CCSER1: variants seen among roughly 807,000 people sequenced by gnomAD.
CCSER1 encodes coiled-coil serine rich protein 1.
CCSER1 carries 41 observed loss-of-function variants against 82.0 expected under a neutral mutation model. The ratio of observed to expected loss-of-function variants is 0.50; its 90% CI spans 0.39 to 0.65. The LOEUF is 0.65. Ranked by LOEUF, CCSER1 falls within the 30% of genes least tolerant of loss-of-function variation. The pLI is 0.00. For missense variants in CCSER1, 1,119 were observed against 1,064.2 expected (o/e 1.05, Z -0.72); for synonymous variants, 414 against 383.9 (o/e 1.08, Z -0.92).
intron 9 of CCSER1, among the ~76,000 whole-genome samples, chr4:91,045,201 C>T (rs1237071441): frequency 6.6e-6 from 1 of 152,076 alleles, no homozygotes; most frequent in African/African-American, 2.4e-5. Context: ...AGTCACTGAG[C>T]CAGATCCTTT....
chr4:91,437,934 G>A lies in CCSER1; in HGVS notation c.2218-160638G>A, dbSNP rs896208365. 5.9e-5 allele frequency among the ~76,000 whole-genome samples: 9 copies of A among 152,246 alleles called. No homozygotes were observed. The Middle Eastern group carries it at 0.014, about 233-fold the overall frequency. On this transcript the variant is annotated intron_variant, in intron 10 of 10. Transcript: ENST00000509176. ...GCAGCAGCGAGGCAGGGGGAGGGGC[G>A]CCCGCCATTGCCCAGGCTTGCTTAG... is the stretch of plus-strand genomic sequence containing the variant.
At chr4:91,093,619 G>A (rs1013763322) in intron 10 of CCSER1, among the ~76,000 whole-genome samples, 2 of 152,192 alleles carry the variant, frequency 1.3e-5, no homozygotes, top group Non-Finnish European at 2.9e-5. Flanking sequence ...TTGAAGCTCC[G>A]TCTAGCTGTT....
intron 5 of CCSER1, among the ~76,000 whole-genome samples, chr4:90,625,495 A>G (rs1723094913): frequency 6.6e-6 from 1 of 152,172 alleles, no homozygotes; most frequent in Non-Finnish European, 1.5e-5. Context: ...CAACCTAATT[A>G]AGAATGGTTT....
intron 3 of CCSER1, among the ~76,000 whole-genome samples, chr4:90,314,344 C>T (rs1051769849): frequency 1.3e-5 from 2 of 151,988 alleles, no homozygotes; most frequent in Non-Finnish European, 2.9e-5. Context: ...TATGTTAAAG[C>T]GGATTTCCAA....
At chr4:91,528,839 A>G (rs1415014868) in intron 10 of CCSER1, among the ~76,000 whole-genome samples, 2 of 152,180 alleles carry the variant, frequency 1.3e-5, no homozygotes, top group African/African-American at 2.4e-5. Flanking sequence ...ATTCAGAGAA[A>G]GTTATGCAGA....
chr4:90,923,752 T>G (rs1427677490), intron 9 of CCSER1, among the ~76,000 whole-genome samples: 6 of 152,252 alleles, frequency 3.9e-5, no homozygotes, highest in Non-Finnish European at 7.3e-5. Context: ...CAATTTATTT[T>G]TTAAGAAAAT....
At chr4:91,595,519 G>GTGA (rs1037628135) in intron 10 of CCSER1, among the ~76,000 whole-genome samples, 1 of 152,086 alleles carries the variant, frequency 6.6e-6, no homozygotes, top group Non-Finnish European at 1.5e-5. Flanking sequence ...TATTGTTACT[G>GTGA]TGATGATGAT....
chr4:90,348,322 T>C (rs1742784481), intron 3 of CCSER1, among the ~76,000 whole-genome samples: 1 of 152,222 alleles, frequency 6.6e-6, no homozygotes, highest in South Asian at 2.1e-4. Context: ...TTTTCTACTC[T>C]CATAAAATAT....
intron 5 of CCSER1, among the ~76,000 whole-genome samples, chr4:90,534,254 C>T (rs1026546521): frequency 6.6e-6 from 1 of 152,140 alleles, no homozygotes; most frequent in East Asian, 1.9e-4. Flanking sequence ...CTCAGCCTCC[C>T]GAGTAGCTGG....
At chr4:91,053,333 C>T (rs1743166081) in intron 9 of CCSER1, among the ~76,000 whole-genome samples, 2 of 152,178 alleles carry the variant, frequency 1.3e-5, no homozygotes, top group South Asian at 4.1e-4. Flanking sequence ...CTTCTCGAAC[C>T]TTGCCCTCCC....
intron 10 of CCSER1, among the ~76,000 whole-genome samples, chr4:91,415,299 A>G (rs1392506828): frequency 6.6e-6 from 1 of 152,130 alleles, no homozygotes; most frequent in African/African-American, 2.4e-5. Context: ...CAGCTTAACA[A>G]GCTTTTGGGC....
chr4:90,584,518 T>G (rs1278502280), intron 5 of CCSER1, among the ~76,000 whole-genome samples: 1 of 152,200 alleles, frequency 6.6e-6, no homozygotes, highest in Non-Finnish European at 1.5e-5. Flanking sequence ...CTTGTGATAC[T>G]TTGAGTAGAG....
intron 6 of CCSER1, among the ~76,000 whole-genome samples, chr4:90,700,433 G>A (rs1334405444): frequency 6.6e-6 from 1 of 152,086 alleles, no homozygotes; most frequent in African/African-American, 2.4e-5. Context: ...ATTGTGAATA[G>A]TGCCGCAATA....
chr4:90,306,505 TTGAC>T (rs1456084192), intron 1 of CCSER1, among the ~76,000 whole-genome samples: 4 of 152,208 alleles, frequency 2.6e-5, no homozygotes, highest in Admixed American at 6.5e-5. Context: ...ATTAAATTCA[TTGAC>T]TGTAGTGAAA....
intron 10 of CCSER1, among the ~76,000 whole-genome samples, chr4:91,134,434 AAAAC>A (rs144380189): frequency 0.036 from 5,503 of 151,748 alleles, 300 homozygotes; most frequent in African/African-American, 0.12. Context: ...AAAAAAAACA[AAAAC>A]AAACAAAAAA....
At chr4:91,340,625 A>G (rs920076552) in intron 10 of CCSER1, among the ~76,000 whole-genome samples, 1 of 152,210 alleles carries the variant, frequency 6.6e-6, no homozygotes, top group Non-Finnish European at 1.5e-5. Flanking sequence ...GTGAAGTTAT[A>G]CATGCTATCT....
intron 4 of CCSER1, among the ~76,000 whole-genome samples, chr4:90,411,406 C>T (rs1754766177): frequency 6.6e-6 from 1 of 152,170 alleles, no homozygotes; most frequent in Admixed American, 6.5e-5. Context: ...TCCAGCAACA[C>T]ATCAAAATCT....
intron 10 of CCSER1, among the ~76,000 whole-genome samples, chr4:91,232,733 T>C (rs1031238680): frequency 4.0e-5 from 6 of 151,870 alleles, no homozygotes; most frequent in Non-Finnish European, 8.9e-5. Context: ...AATTTTAATG[T>C]TAAAATTAAA....
intron 10 of CCSER1, among the ~76,000 whole-genome samples, chr4:91,359,321 T>A (rs1749091850): frequency 6.6e-6 from 1 of 151,794 alleles, no homozygotes; most frequent in African/African-American, 2.4e-5. Context: ...AGGCCTGGTT[T>A]CAGGCCTGGC....
Sources: gnomAD v4.1 joint callset for allele counts (sites outside exome capture counted in the v4.1 genomes callset) on GRCh38, gnomAD v4.1.1 for gene constraint, MANE v1.5 for transcripts, NCBI Gene and HGNC (gene_info 2026-07-23, HGNC 2026-07-21) for gene names.